Variants in LOC400499 observed in about 807,000 individuals in gnomAD.
At chr16:11,407,798 T>G in the LOC400499 span, among the ~76,000 whole-genome samples, 1 of 152,084 alleles carries the variant, frequency 6.6e-6, no homozygotes, top group Non-Finnish European at 1.5e-5. Flanking sequence ...AAAACAGGGA[T>G]AAGGACACCT....
At chr16:11,395,174 G>A in the LOC400499 span, among the ~76,000 whole-genome samples, 1 of 152,216 alleles carries the variant, frequency 6.6e-6, no homozygotes, top group Non-Finnish European at 1.5e-5. Context: ...GGGTGTCACT[G>A]AAGAGCAAGG....
At chr16:11,467,428 A>G in the LOC400499 span, among the ~76,000 whole-genome samples, 1 of 151,006 alleles carries the variant, frequency 6.6e-6, no homozygotes, top group East Asian at 2.0e-4. Flanking sequence ...TGGGCAACAT[A>G]GTGAGACCCC....
At chr16:11,390,274 C>T in the LOC400499 span, 2 of 1,232,736 alleles carry the variant, frequency 1.6e-6, no homozygotes, top group African/African-American at 1.5e-5. Flanking sequence ...TCCTTGCTCA[C>T]TCACCAGCTC....
At chr16:11,473,239 G>A in the LOC400499 span, 1 of 150,732 alleles carries the variant, frequency 6.6e-6, no homozygotes, top group Non-Finnish European at 1.5e-5. Context: ...ATAGTTTCAA[G>A]TTTATTTACA....
chr16:11,429,630 C>A, the LOC400499 span, among the ~76,000 whole-genome samples: 2 of 152,020 alleles, frequency 1.3e-5, no homozygotes, highest in Non-Finnish European at 2.9e-5. Flanking sequence ...TGTACCGCCA[C>A]CCCTGGCTAA....
chr16:11,408,180 G>A, the LOC400499 span, among the ~76,000 whole-genome samples: 7 of 151,928 alleles, frequency 4.6e-5, no homozygotes, highest in Non-Finnish European at 7.4e-5. Flanking sequence ...ATGGGGTTTC[G>A]CCATGTTGGC....
chr16:11,438,703 C>T, the LOC400499 span, among the ~76,000 whole-genome samples: 2 of 151,616 alleles, frequency 1.3e-5, no homozygotes, highest in Non-Finnish European at 2.9e-5. Context: ...GTGGGAGGAC[C>T]GCTTGACCCC....
At chr16:11,440,238 G>A in the LOC400499 span, among the ~76,000 whole-genome samples, 1 of 152,060 alleles carries the variant, frequency 6.6e-6, no homozygotes, top group African/African-American at 2.4e-5. Flanking sequence ...ACCTACAATG[G>A]CTGCTATATA....
chr16:11,491,879 G>T, the LOC400499 span: 38 of 398,592 alleles, frequency 9.5e-5, no homozygotes, highest in Non-Finnish European at 1.5e-4. Flanking sequence ...ATCACCCAAG[G>T]CCTACCTACC....
chr16:11,515,123 T>C, the LOC400499 span, among the ~76,000 whole-genome samples: 1,097 of 151,954 alleles, frequency 7.2e-3, 15 homozygotes, highest in African/African-American at 0.025. Context: ...CTGGGCAACA[T>C]AGCAAGACAT....
chr16:11,443,603 C>G, the LOC400499 span: 1 of 285,322 alleles, frequency 3.5e-6, no homozygotes, highest in Non-Finnish European at 6.9e-6. Flanking sequence ...CTAGAGGTGT[C>G]AGGAAGAAGA....
chr16:11,404,796 C>T, the LOC400499 span: 6 of 398,914 alleles, frequency 1.5e-5, no homozygotes, highest in Non-Finnish European at 2.2e-5. Context: ...CACCACCTGG[C>T]GCAGGACACG....
chr16:11,424,682 G>T, the LOC400499 span, among the ~76,000 whole-genome samples: 1 of 152,192 alleles, frequency 6.6e-6, no homozygotes, highest in East Asian at 1.9e-4. Context: ...GGGTCTGATT[G>T]TGTGTCCTCC....
the LOC400499 span, chr16:11,385,227 A>G: frequency 2.4e-6 from 3 of 1,232,158 alleles, no homozygotes; most frequent in African/African-American, 3.1e-5. Context: ...ACTGGGGTAG[A>G]GGATGAGGGT....
At chr16:11,440,882 A>T in the LOC400499 span, 1 of 399,100 alleles carries the variant, frequency 2.5e-6, no homozygotes, top group Non-Finnish European at 4.4e-6. Flanking sequence ...TTCCGCTAAC[A>T]GCCAAGCTCT....
At chr16:11,473,475 CA>C in the LOC400499 span, among the ~76,000 whole-genome samples, 1 of 152,122 alleles carries the variant, frequency 6.6e-6, no homozygotes, top group Non-Finnish European at 1.5e-5. Flanking sequence ...CGAAGTTTCT[CA>C]TTAAAACAGC....
chr16:11,410,488 A>G, the LOC400499 span, among the ~76,000 whole-genome samples: 2 of 152,126 alleles, frequency 1.3e-5, no homozygotes, highest in African/African-American at 4.8e-5. Flanking sequence ...ATAAATAAAG[A>G]AGTTCCCTGA....
the LOC400499 span, among the ~76,000 whole-genome samples, chr16:11,473,778 A>G: frequency 6.7e-6 from 1 of 149,606 alleles, no homozygotes; most frequent in South Asian, 2.1e-4. Flanking sequence ...AAGTTATGCG[A>G]TATGTCAATA....
the LOC400499 span, among the ~76,000 whole-genome samples, chr16:11,507,269 G>T: frequency 6.6e-6 from 1 of 152,204 alleles, no homozygotes; most frequent in African/African-American, 2.4e-5. Context: ...AGGGCCATCT[G>T]GTTGCCACGG....
Sources: gnomAD v4.1 joint callset for allele counts (sites outside exome capture counted in the v4.1 genomes callset) on GRCh38, gnomAD v4.1.1 for gene constraint, MANE v1.5 for transcripts.